Variants in BLTP1 observed in about 807,000 individuals in gnomAD.
BLTP1 encodes fragile site-associated protein.
the BLTP1 span, among the ~76,000 whole-genome samples, chr4:122,233,410 G>C: frequency 2.6e-5 from 4 of 152,308 alleles, no homozygotes; most frequent in East Asian, 5.8e-4. Context: ...TGTAGAGTTA[G>C]TAAGTGGCAT....
At chr4:122,202,892 A>G in the BLTP1 span, among the ~76,000 whole-genome samples, 1 of 151,754 alleles carries the variant, frequency 6.6e-6, no homozygotes, top group South Asian at 2.1e-4. Context: ...TCTTTTGGTT[A>G]TTTTTTTAAT....
At chr4:122,197,587 G>GTT in the BLTP1 span, 3 of 340,540 alleles carry the variant, frequency 8.8e-6, no homozygotes, top group African/African-American at 2.2e-5. Flanking sequence ...AGCAGGTGCT[G>GTT]TTTTTTTTCT....
chr4:122,348,717 C>A, the BLTP1 span: 3 of 1,572,168 alleles, frequency 1.9e-6, no homozygotes, highest in Admixed American at 1.8e-5. Context: ...GGAAATACAA[C>A]GTAAGCTATT....
At chr4:122,179,395 C>T in the BLTP1 span, among the ~76,000 whole-genome samples, 3 of 152,152 alleles carry the variant, frequency 2.0e-5, no homozygotes, top group South Asian at 6.2e-4. Context: ...AGTTCACCTG[C>T]ATTAATAATA....
the BLTP1 span, chr4:122,222,979 A>G: frequency 1.0e-6 from 1 of 958,554 alleles, no homozygotes; most frequent in Non-Finnish European, 1.2e-6. Flanking sequence ...TTTTGAGATT[A>G]AAAAATTTCA....
chr4:122,357,808 C>G, the BLTP1 span, among the ~76,000 whole-genome samples: 1 of 152,132 alleles, frequency 6.6e-6, no homozygotes, highest in African/African-American at 2.4e-5. Flanking sequence ...TCAAGTCACA[C>G]TATAATATTG....
chr4:122,197,822 A>G, the BLTP1 span: 2 of 242,776 alleles, frequency 8.2e-6, no homozygotes, highest in Non-Finnish European at 1.3e-5. Context: ...TAAGTTGATC[A>G]TGCACTTGAA....
the BLTP1 span, chr4:122,328,610 TA>T: frequency 1.0e-6 from 1 of 972,784 alleles, no homozygotes. Flanking sequence ...TTATCTAAAA[TA>T]AAATGGAAAT....
At chr4:122,286,138 T>C in the BLTP1 span, among the ~76,000 whole-genome samples, 1 of 152,194 alleles carries the variant, frequency 6.6e-6, no homozygotes, top group African/African-American at 2.4e-5. Flanking sequence ...AGTAGACATA[T>C]TGTTAACTAC....
the BLTP1 span, chr4:122,347,535 G>A: frequency 1.2e-6 from 2 of 1,612,816 alleles, no homozygotes; most frequent in Non-Finnish European, 1.7e-6. Flanking sequence ...CTGGCCCAGG[G>A]ACACCTGATT....
the BLTP1 span, among the ~76,000 whole-genome samples, chr4:122,296,668 A>G: frequency 0.064 from 9,780 of 152,284 alleles, 890 homozygotes; most frequent in African/African-American, 0.2. Context: ...TTCAAACTAT[A>G]CTACAAGGCT....
At chr4:122,262,986 A>T in the BLTP1 span, 2 of 1,612,636 alleles carry the variant, frequency 1.2e-6, no homozygotes, top group Non-Finnish European at 1.7e-6. Flanking sequence ...GAGAACAGGT[A>T]CGTCCTCTAG....
the BLTP1 span, chr4:122,343,440 G>A: frequency 1.1e-5 from 17 of 1,613,776 alleles, no homozygotes; most frequent in South Asian, 4.4e-5. Flanking sequence ...CCTCTTGGCC[G>A]AAGTCGACAT....
At chr4:122,262,637 G>A in the BLTP1 span, 1 of 1,099,584 alleles carries the variant, frequency 9.1e-7, no homozygotes, top group Non-Finnish European at 1.3e-6. Context: ...TAGTATACAT[G>A]ATCAGTTTTG....
At chr4:122,277,715 C>T in the BLTP1 span, 1 of 983,394 alleles carries the variant, frequency 1.0e-6, no homozygotes, top group Non-Finnish European at 1.2e-6. Flanking sequence ...ATGCAAGTTA[C>T]ACTTCCTCCT....
At chr4:122,292,743 C>G in the BLTP1 span, 1 of 296,922 alleles carries the variant, frequency 3.4e-6, no homozygotes, top group South Asian at 1.3e-4. Context: ...AACAATAAGC[C>G]TATCCAACCA....
the BLTP1 span, chr4:122,175,292 A>C: frequency 1.0e-6 from 1 of 982,624 alleles, no homozygotes; most frequent in Non-Finnish European, 1.2e-6. Context: ...ATTATTTCCC[A>C]ATCAAAAGTG....
the BLTP1 span, chr4:122,227,536 T>C: frequency 1.1e-6 from 1 of 916,300 alleles, no homozygotes; most frequent in Non-Finnish European, 1.3e-6. Context: ...TAACTTACCC[T>C]GGTTCTACAA....
At chr4:122,272,231 A>G in the BLTP1 span, 1 of 1,613,376 alleles carries the variant, frequency 6.2e-7, no homozygotes, top group African/African-American at 1.3e-5. Flanking sequence ...CAGTTTGACT[A>G]AGACTCAGAG....
Sources: gnomAD v4.1 joint callset for allele counts (sites outside exome capture counted in the v4.1 genomes callset) on GRCh38, gnomAD v4.1.1 for gene constraint, MANE v1.5 for transcripts, NCBI Gene and HGNC (gene_info 2026-07-23, HGNC 2026-07-21) for gene names.